Variants in TMEM163 observed in about 807,000 individuals in gnomAD.
TMEM163 encodes the protein transmembrane protein 163.
In TMEM163, 17 loss-of-function variants were observed where a neutral mutation model predicts 29.3. That is an observed-to-expected ratio of 0.58 (90% CI 0.40 to 0.87). TMEM163 has a LOEUF of 0.87. TMEM163 is among the 40% of genes least tolerant of loss of function. The pLI, the probability that TMEM163 is intolerant of heterozygous loss-of-function variation, is 0.00. For missense variants in TMEM163, 303 were observed against 381.5 expected (o/e 0.79, Z 1.71); for synonymous variants, 157 against 160.6 (o/e 0.98, Z 0.17).
chr2:134,617,193 A>T (rs1682625678), intron 2 of TMEM163, among the ~76,000 whole-genome samples: 1 of 152,212 alleles, frequency 6.6e-6, no homozygotes, highest in Admixed American at 6.5e-5. Flanking sequence ...GAACTATTTG[A>T]GGCAGTTTCT....
At chr2:134,657,764 T>C (rs111702273) in intron 2 of TMEM163, among the ~76,000 whole-genome samples, 7,492 of 151,990 alleles carry the variant, frequency 0.049, 592 homozygotes, top group African/African-American at 0.17. Context: ...GATCGCGCCA[T>C]TGCACTCCAG....
chr2:134,626,552 CG>C (rs1290483103), intron 2 of TMEM163, among the ~76,000 whole-genome samples: 7 of 152,122 alleles, frequency 4.6e-5, no homozygotes, highest in African/African-American at 1.7e-4. Flanking sequence ...TGGGCCCATC[CG>C]GATAATCCAG....
intron 5 of TMEM163, among the ~76,000 whole-genome samples, chr2:134,475,173 T>C (rs1026078685): frequency 1.5e-4 from 23 of 152,104 alleles, no homozygotes; most frequent in Non-Finnish European, 5.9e-5. Context: ...CAGACAGACA[T>C]ACAGATCAAC....
intron 5 of TMEM163, among the ~76,000 whole-genome samples, chr2:134,500,653 A>AG (rs1679677326): frequency 6.6e-6 from 1 of 151,794 alleles, no homozygotes; most frequent in Non-Finnish European, 1.5e-5. Flanking sequence ...AAAAAAAAAA[A>AG]GTGACATCCT....
chr2:134,463,832 A>C (rs1686603700), intron 6 of TMEM163, among the ~76,000 whole-genome samples: 1 of 152,180 alleles, frequency 6.6e-6, no homozygotes, highest in Non-Finnish European at 1.5e-5. Context: ...ATCCGGTGTT[A>C]CTGCAACTTC....
At chr2:134,622,849 G>T (rs928203131) in intron 2 of TMEM163, among the ~76,000 whole-genome samples, 12 of 151,760 alleles carry the variant, frequency 7.9e-5, no homozygotes, top group African/African-American at 2.7e-4. Flanking sequence ...TGCAACCTCC[G>T]CCTACTGGGT....
At chr2:134,465,298 A>G (rs1322555654) in intron 6 of TMEM163, among the ~76,000 whole-genome samples, 1 of 152,182 alleles carries the variant, frequency 6.6e-6, no homozygotes, top group Non-Finnish European at 1.5e-5. Flanking sequence ...ATATACATAT[A>G]CAGACACATA....
At chr2:134,485,298 T>A (rs1679283180) in intron 5 of TMEM163, among the ~76,000 whole-genome samples, 1 of 152,220 alleles carries the variant, frequency 6.6e-6, no homozygotes, top group Non-Finnish European at 1.5e-5. Flanking sequence ...ATGTAATGCA[T>A]TGAATACTGT....
intron 5 of TMEM163, among the ~76,000 whole-genome samples, chr2:134,487,705 G>A (rs16830700): frequency 0.019 from 2,953 of 152,264 alleles, 93 homozygotes; most frequent in East Asian, 0.15. Context: ...TCCACAGAAT[G>A]GAACGGCAAG....
intron 4 of TMEM163, 30 bp from the exon 5 acceptor site, chr2:134,503,027 A>T: frequency 6.3e-7 from 1 of 1,577,088 alleles, no homozygotes; most frequent in Non-Finnish European, 8.7e-7. Context: ...GAGAATCTTA[A>T]CTGGGAGAAC....
At chr2:134,538,459 C>T (rs1249195773) in intron 4 of TMEM163, among the ~76,000 whole-genome samples, 1 of 152,182 alleles carries the variant, frequency 6.6e-6, no homozygotes, top group African/African-American at 2.4e-5. Flanking sequence ...TAGCTCTATA[C>T]CCAAGAAATA....
At chr2:134,659,995 G>C (rs183317381) in intron 2 of TMEM163, among the ~76,000 whole-genome samples, 1 of 152,174 alleles carries the variant, frequency 6.6e-6, no homozygotes, top group Non-Finnish European at 1.5e-5. Flanking sequence ...TGTTTATTTA[G>C]TTCATGAAGA....
chr2:134,673,742 A>G (rs1684044913), intron 2 of TMEM163, among the ~76,000 whole-genome samples: 1 of 152,186 alleles, frequency 6.6e-6, no homozygotes. Flanking sequence ...GGCAGCCTCT[A>G]GAAACTGGAA....
chr2:134,712,963 C>T (rs73958804), intron 2 of TMEM163, among the ~76,000 whole-genome samples: 4,882 of 152,184 alleles, frequency 0.032, 259 homozygotes, highest in African/African-American at 0.11. Context: ...TCCGCAAGCC[C>T]GCATACTGAT....
intron 5 of TMEM163, among the ~76,000 whole-genome samples, chr2:134,491,710 A>G (rs749294589): frequency 3.3e-5 from 5 of 152,156 alleles, no homozygotes; most frequent in Non-Finnish European, 5.9e-5. Context: ...CTTCAGAAAC[A>G]CCCTGAAGGT....
At chr2:134,520,348 GC>G (rs908199866) in intron 4 of TMEM163, among the ~76,000 whole-genome samples, 19 of 152,300 alleles carry the variant, frequency 1.2e-4, no homozygotes, top group African/African-American at 4.6e-4. Context: ...ATCCCTTCTT[GC>G]TTGCTATGAG....
intron 5 of TMEM163, chr2:134,469,982 T>G (rs1347459150): frequency 6.6e-6 from 1 of 152,380 alleles, no homozygotes; most frequent in East Asian, 1.9e-4. Flanking sequence ...GCAACCACCA[T>G]GTGGAAAGTC....
At chr2:134,682,450 G>T (rs1185407285) in intron 2 of TMEM163, among the ~76,000 whole-genome samples, 1 of 152,182 alleles carries the variant, frequency 6.6e-6, no homozygotes, top group Non-Finnish European at 1.5e-5. Flanking sequence ...GTAAACTGAG[G>T]TGAGTAGGGG....
At chr2:134,576,902 C>T (rs989731932) in intron 2 of TMEM163, among the ~76,000 whole-genome samples, 7 of 152,212 alleles carry the variant, frequency 4.6e-5, no homozygotes, top group African/African-American at 1.7e-4. Context: ...TATCTACTCA[C>T]TGCTGAGATG....
Sources: gnomAD v4.1 joint callset for allele counts (sites outside exome capture counted in the v4.1 genomes callset) on GRCh38, gnomAD v4.1.1 for gene constraint, MANE v1.5 for transcripts, NCBI Gene and HGNC (gene_info 2026-07-23, HGNC 2026-07-21) for gene names.